STK36: variants seen among roughly 807,000 people sequenced by gnomAD.
STK36 encodes serine/threonine-protein kinase 36.
A neutral mutation model predicts 142.2 loss-of-function variants in STK36; 116 were observed. The observed-to-expected ratio is 0.82, with a 90% CI of 0.70 to 0.95. The LOEUF is 0.95. Among genes scored for constraint, STK36 ranks in the 40% least tolerant of loss-of-function variants. STK36 has a pLI of 0.00. For synonymous variants in STK36, 619 were observed against 641.7 expected (o/e 0.96, Z 0.53); for missense variants, 1,422 against 1,617.2 (o/e 0.88, Z 2.07).
At chr2:218,681,174 C>G (rs539970978) in intron 10 of STK36, among the ~76,000 whole-genome samples, 2 of 150,986 alleles carry the variant, frequency 1.3e-5, no homozygotes, top group East Asian at 3.9e-4. Context: ...GTCGCCCAGG[C>G]TGGATTGCAG....
chr2:218,676,505 G>A (rs976023135), intron 6 of STK36, among the ~76,000 whole-genome samples: 2 of 152,118 alleles, frequency 1.3e-5, no homozygotes, highest in African/African-American at 4.8e-5. Flanking sequence ...TGTACAGGAA[G>A]GATGGCTGGG....
chr2:218,673,634 C>G lies in STK36; in HGVS notation c.94C>G (p.Leu32Val). Reference protein sequence around the residue: ...RRKYSAQVVALKFIPKLGRSE... With the variant: ...RRKYSAQVVAVKFIPKLGRSE... Reference sequence around the variant, plus strand: ...ACCTTACCACTGACAGGTCGTGGCCCTGAAGTTCATCCCAAAATTGGGGCG... The same window carrying G: ...ACCTTACCACTGACAGGTCGTGGCCGTGAAGTTCATCCCAAAATTGGGGCG... The change falls in exon 3 of 27, where the codon CTG (leucine) becomes GTG (valine). Residue 32 changes from leucine to valine, a missense_variant. Transcript: ENST00000295709. The G allele has an allele frequency of 6.2e-7, 1 of 1,613,848 alleles. No homozygotes were observed. The highest frequency in any genetic ancestry group is 8.5e-7 in the Non-Finnish European group (1 of 1,179,902).
intron 10 of STK36, chr2:218,684,756 ATATG>A: frequency 5.0e-6 from 1 of 198,870 alleles, no homozygotes; most frequent in Non-Finnish European, 1.0e-5. Flanking sequence ...GTATTTTCTA[ATATG>A]GATGGACCCT....
chr2:218,676,296 G>T lies in STK36; in HGVS notation c.684+18G>T. ...GCTTTAAGGTAATGAATATTGAAAG[G>T]GAGATGACTTTTACATTAGAAATCT... On this transcript the variant is annotated intron_variant, in intron 6 of 26. Coordinates refer to ENST00000295709, the MANE Select transcript of STK36 (RefSeq NM_015690.5). 1 of 1,612,540 alleles carries T rather than the reference G, an allele frequency of 6.2e-7. No individual in the cohort carries two copies. Among genetic ancestry groups the T allele is most frequent in the Non-Finnish European group, 8.5e-7 (1 of 1,178,840 alleles).
At chr2:218,675,520 C>CTTT (rs33970984) in intron 5 of STK36, 47 bp downstream of exon 5, 441 of 1,147,198 alleles carry the variant, frequency 3.8e-4, no homozygotes, top group South Asian at 8.9e-4. Context: ...CACACGGAAT[C>CTTT]TTTTTTTTTT....
chr2:218,675,496 T>G (rs1237193414), intron 5 of STK36, 23 bp downstream of exon 5: 2 of 1,588,558 alleles, frequency 1.3e-6, no homozygotes, highest in Non-Finnish European at 1.7e-6. Context: ...AGCATCCATC[T>G]AAGCTTCCAG....
intron 6 of STK36, among the ~76,000 whole-genome samples, chr2:218,676,721 T>C (rs1940268757): frequency 6.6e-6 from 1 of 151,270 alleles, no homozygotes; most frequent in Admixed American, 6.6e-5. Flanking sequence ...TGATCTTGGC[T>C]CACTGCAAGC....
In STK36 at chr2:218,693,753, G is replaced by A. The variant is rs1206248970; in HGVS notation, c.2179G>A (p.Gly727Ser). 1 of 1,613,984 alleles carries A rather than the reference G, an allele frequency of 6.2e-7. No homozygotes were observed. Among genetic ancestry groups the A allele is most frequent in the Non-Finnish European group, 8.5e-7 (1 of 1,180,056 alleles). Residue 727 changes from glycine (G) to serine (S), a missense_variant, in exon 18 of 27, where the codon GGC (glycine) becomes AGC (serine). By Grantham distance (56) the Gly-to-Ser change is moderately conservative (BLOSUM62 0). Coordinates refer to ENST00000295709, the MANE Select transcript of STK36 (RefSeq NM_015690.5). Reference sequence around the variant, plus strand: ...ATACTCCTGCTGCCTTGTCAGTGAGGGCCTGTGCCGTCTTCTGGGGCAGGA... The same window carrying A: ...ATACTCCTGCTGCCTTGTCAGTGAGAGCCTGTGCCGTCTTCTGGGGCAGGA... ...VLYSCCLVSE[G>S]LCRLLGQEPL...
chr2:218,676,056 A>G lies in STK36; in HGVS notation c.462A>G (p.Thr154=), dbSNP rs763613143. Residue 154 remains threonine (T), a synonymous_variant, in exon 6 of 27, where the codon ACA becomes ACG. Transcript: ENST00000295709. ...TTGCCCGGGCTATGAGCACCAATACAATGGTGCTGACATCCATCAAAGGCA... is the reference window on the plus strand; with the variant it reads ...TTGCCCGGGCTATGAGCACCAATACGATGGTGCTGACATCCATCAAAGGCA... ...FGFARAMSTN[T]MVLTSIKGTP... is the part of the protein sequence containing the mutation. The G allele has an allele frequency of 1.2e-6, 2 of 1,613,970 alleles. No individual in the cohort carries two copies. Among genetic ancestry groups the G allele is most frequent in the African/African-American group, 1.3e-5 (1 of 74,890 alleles).
At chr2:218,697,254 T>G (rs370892587) in intron 23 of STK36, 41 bp downstream of exon 23, 26 of 1,580,958 alleles carry the variant, frequency 1.6e-5, no homozygotes, top group Non-Finnish European at 2.2e-5. Context: ...TGCATTGATC[T>G]CTCTTCAAGA....
At chr2:218,685,006 C>G (rs1034546559) in intron 10 of STK36, 79 bp from the exon 11 acceptor site, 17 of 1,567,232 alleles carry the variant, frequency 1.1e-5, no homozygotes, top group Admixed American at 3.5e-5. Context: ...TCATGATTCC[C>G]CATGGTTTCT....
chr2:218,683,912 A>G (rs1295704330), intron 10 of STK36, among the ~76,000 whole-genome samples: 3 of 149,384 alleles, frequency 2.0e-5, no homozygotes, highest in Non-Finnish European at 4.4e-5. Flanking sequence ...AAGGACATGA[A>G]CTCATCATTT....
chr2:218,673,071 T>A lies in STK36; in HGVS notation c.84+158T>A. ...GTATAAGCTTTGAAGTTGGATTATT[T>A]GGGTGCAAATTCCATCTCCACCGCT... On this transcript the variant is annotated intron_variant, in intron 2 of 26. Transcript: ENST00000295709. 5.0e-6 allele frequency: 3 copies of A among 597,400 alleles called. No individual in the cohort carries two copies. The South Asian group carries it at 8.1e-5, about 16-fold the overall frequency. 37.0% of individuals were successfully genotyped at this position (597,400 alleles called of 1,614,324 possible).
chr2:218,698,832 C>A lies in STK36; in HGVS notation c.3288C>A (p.His1096Gln). The change falls in exon 26 of 27, where the codon CAC becomes CAA. Residue 1096 changes from histidine to glutamine, a missense_variant. Around this residue, in one of 2 missense-constraint regions of STK36, gnomAD observed 962 missense variants for 1,167.5 expected, o/e 0.82. Coordinates refer to ENST00000295709, the MANE Select transcript of STK36 (RefSeq NM_015690.5). ...CTGCCAGGGTCCTGTCTCCCAGCCA[C>A]TTGTCCTTTATCCAAGAGCTTCTGG... ...AHTARVLSPS[H>Q]LSFIQELLAG... 1 of 1,614,258 alleles carries A rather than the reference C, an allele frequency of 6.2e-7. No homozygotes were observed. Among genetic ancestry groups the A allele is most frequent in the East Asian group, 2.2e-5 (1 of 44,876 alleles).
In STK36 at chr2:218,673,953, C is replaced by G. The variant is rs1940112337; in HGVS notation, c.300C>G (p.Asp100Glu). Residue 100 changes from aspartate (D) to glutamate (E), a missense_variant, in exon 4 of 27, where the codon GAC (aspartate) becomes GAG (glutamate). Physicochemically the swap from Asp to Glu is conservative, Grantham distance 45. Transcript: ENST00000295709. ...AAGATGACGGAAAACTTCCTGAAGA[C>G]CAGGTATGCTTTCTGCCTTCAACTT... ...ILEDDGKLPEDQVQAIAAQLV... is the reference protein window; with the variant it reads ...ILEDDGKLPEEQVQAIAAQLV... The G allele has an allele frequency of 1.9e-6, 3 of 1,613,568 alleles. No individual in the cohort carries two copies. Among genetic ancestry groups the G allele is most frequent in the Non-Finnish European group, 2.5e-6 (3 of 1,179,812 alleles).
At position 218,699,328 on chromosome 2, in the gene STK36, C is replaced by G. The variant is rs765781824; in HGVS notation, c.3784C>G (p.Gln1262Glu). Residue 1262 changes from glutamine (Q) to glutamate (E), a missense_variant, in exon 26 of 27, where the codon CAG becomes GAG. Physicochemically the swap from Gln to Glu is conservative, Grantham distance 29 (BLOSUM62 2). This residue lies in a region of STK36 where 962 missense variants were observed against 1,167.5 expected (regional missense o/e 0.82). Transcript: ENST00000295709. ...CCTCATTGCCCTCCGGAGCCTGCAA[C>G]AGGAGCCTGGCATCCATCAGGTATA... is the stretch of plus-strand genomic sequence containing the variant. The part of the protein sequence containing the change: ...AALIALRSLQ[Q>E]EPGIHQVLVS... 6.8e-6 allele frequency: 11 copies of G among 1,613,734 alleles called. No individual in the cohort carries two copies. Among genetic ancestry groups the G allele is most frequent in the Non-Finnish European group, 9.3e-6 (11 of 1,179,980 alleles).
At chr2:218,674,676 A>G (rs980909969) in intron 4 of STK36, among the ~76,000 whole-genome samples, 1 of 152,216 alleles carries the variant, frequency 6.6e-6, no homozygotes, top group African/African-American at 2.4e-5. Flanking sequence ...ATCTTGGCTC[A>G]CAGCAAACTC....
intron 9 of STK36, 102 bp from the exon 10 acceptor site, chr2:218,680,492 CTATATGGCT>C: frequency 1.2e-6 from 1 of 865,922 alleles, no homozygotes; most frequent in Non-Finnish European, 1.8e-6. Context: ...CTAGTCAATC[CTATATGGCT>C]TCTTTCTCAT....
intron 25 of STK36, 125 bp downstream of exon 25, chr2:218,698,126 A>T: frequency 7.3e-7 from 1 of 1,364,638 alleles, no homozygotes; most frequent in Non-Finnish European, 9.9e-7. Context: ...GGCTTGACTC[A>T]AAAGTTGGCG....
Sources: allele counts gnomAD v4.1 joint callset (sites outside exome capture counted in the v4.1 genomes callset), GRCh38; gene constraint gnomAD v4.1.1; regional missense constraint gnomAD v4.1.1; transcripts MANE v1.5; gene names NCBI Gene and HGNC (gene_info 2026-07-23, HGNC 2026-07-21).